FBP2: variants seen among roughly 807,000 people sequenced by gnomAD.
The protein encoded by FBP2 is fructose-bisphosphatase 2.
FBP2 carries 27 observed loss-of-function variants against 31.6 expected under a neutral mutation model. The ratio of observed to expected loss-of-function variants is 0.85; its 90% CI spans 0.63 to 1.18. The LOEUF (loss-of-function observed/expected upper bound fraction) is 1.18, where lower values mean the gene tolerates loss of function less well. FBP2 is among the 50% of genes most tolerant of loss of function. FBP2 has a pLI of 0.00. For missense variants in FBP2, 421 were observed against 436.1 expected, an observed-to-expected ratio of 0.97 and a Z score of 0.31; for synonymous variants, 168 against 179.8, an observed-to-expected ratio of 0.93 and a Z score of 0.53.
At chr9:94,570,438 C>T (rs558811883) in intron 4 of FBP2, 19 of 152,322 alleles carry the variant, frequency 1.2e-4, no homozygotes, top group Middle Eastern at 3.4e-3. Context: ...TAGGACATAT[C>T]TCATAGGGCC....
rs1543185 is a variant in FBP2, at chr9:94,558,890, T to C, written c.*48A>G. The stretch of plus-strand genomic sequence containing the variant: ...CTGTTTATCGTTCATTTAGGGTCCT[T>C]AGACAAGGTGCAAGACAAACAGAAG... On this transcript the variant is annotated 3_prime_UTR_variant, in exon 7 of 7. Transcript: ENST00000375337. The C allele has an allele frequency of 0.043, 67,607 of 1,567,022 alleles. 3,631 individuals carry two copies. The highest frequency in any genetic ancestry group is 0.22 in the African/African-American group (15,967 of 73,834).
At chr9:94,562,534 C>CT (rs1271064463) in intron 6 of FBP2, among the ~76,000 whole-genome samples, 1 of 152,076 alleles carries the variant, frequency 6.6e-6, no homozygotes, top group Non-Finnish European at 1.5e-5. Flanking sequence ...TGTGAGATCT[C>CT]TCAGCGTGGC....
chr9:94,587,383 A>G lies in FBP2; in HGVS notation c.257T>C (p.Val86Ala), dbSNP rs201607341. 2.6e-4 allele frequency: 419 copies of G among 1,614,016 alleles called. No homozygotes were observed. Among genetic ancestry groups the G allele is most frequent in the South Asian group, 1.5e-3 (140 of 91,076 alleles). Residue 86 changes from valine (V) to alanine (A), a missense_variant, in exon 2 of 7, where the codon GTC becomes GCC. Physicochemically the swap from Val to Ala is moderately conservative, Grantham distance 64. Transcript: ENST00000375337. ...GACGCAGGTACTATAGGAGGATTGG[A>G]CCATGTTGATCACCAGGGAATTGGA... is the stretch of plus-strand genomic sequence containing the variant. ...VLSNSLVINMVQSSYSTCVLV... is the reference protein window; with the variant it reads ...VLSNSLVINMAQSSYSTCVLV...
chr9:94,587,722 C>T (rs565508912), intron 1 of FBP2, among the ~76,000 whole-genome samples: 1 of 151,714 alleles, frequency 6.6e-6, no homozygotes, highest in African/African-American at 2.4e-5. Context: ...CTCACTAAAA[C>T]ACAAACCCAG....
intron 6 of FBP2, among the ~76,000 whole-genome samples, chr9:94,561,198 C>T (rs1827093759): frequency 6.6e-6 from 1 of 151,886 alleles, no homozygotes; most frequent in South Asian, 2.1e-4. Flanking sequence ...CTACTTTAAT[C>T]AAAAAAAGCT....
At chr9:94,582,564 T>TC (rs1164669201) in intron 3 of FBP2, among the ~76,000 whole-genome samples, 3 of 151,200 alleles carry the variant, frequency 2.0e-5, no homozygotes, top group African/African-American at 7.3e-5. Context: ...TTTTTTTTTT[T>TC]TGAGACGGAG....
rs773104262 is a variant in FBP2 at position 94,593,758 on chromosome 9, C to T, written c.-32G>A. The T allele has an allele frequency of 1.1e-5, 18 of 1,610,262 alleles. No homozygotes were observed. The highest frequency in any genetic ancestry group is 1.6e-4 in the Middle Eastern group (1 of 6,064). ...TGGAATGCTTCAAATCCTTTTCTCC[C>T]GGCAGGAAACCTTGCTTACTTCTGA... is the stretch of plus-strand genomic sequence containing the variant. On this transcript the variant is annotated 5_prime_UTR_variant, in exon 1 of 7. Transcript: ENST00000375337.
chr9:94,559,153 G>A (rs1827055869), intron 6 of FBP2, 21 bp from the exon 7 acceptor site: 2 of 1,601,130 alleles, frequency 1.2e-6, no homozygotes, highest in African/African-American at 1.3e-5. Context: ...ACAGAGGCAG[G>A]TGAGTAAACT....
intron 5 of FBP2, among the ~76,000 whole-genome samples, chr9:94,563,899 T>G (rs1457569321): frequency 6.6e-6 from 1 of 152,124 alleles, no homozygotes; most frequent in African/African-American, 2.4e-5. Context: ...GAAAAGGACA[T>G]TACATAATGG....
At chr9:94,590,281 C>T (rs942994713) in intron 1 of FBP2, among the ~76,000 whole-genome samples, 4 of 152,224 alleles carry the variant, frequency 2.6e-5, no homozygotes, top group Admixed American at 6.5e-5. Context: ...TCCCCCACGG[C>T]CATGAGAAAG....
chr9:94,567,294 A>C lies in FBP2; in HGVS notation c.681T>G (p.Tyr227Ter), dbSNP rs1827203320. ...CCTCAGGGAATTTCTTTTTCTGCAC[A>C]TATTCAGTGGTGGCCGCATCAAAAT... ...AKYFDAATTE[Y>*]VQKKKFPEDG... The change falls in exon 5 of 7, where the codon TAT (tyrosine) becomes TAG (stop). Residue 227 changes from tyrosine (Y) to a stop codon, truncating the protein, a stop_gained. Coordinates refer to ENST00000375337, the MANE Select transcript of FBP2 (RefSeq NM_003837.4). LOFTEE classifies it high-confidence loss of function. 1 of 1,614,158 alleles carries C rather than the reference A, an allele frequency of 6.2e-7. No homozygotes were observed. The highest frequency in any genetic ancestry group is 8.5e-7 in the Non-Finnish European group (1 of 1,180,024).
At chr9:94,561,424 G>A (rs1481663536) in intron 6 of FBP2, among the ~76,000 whole-genome samples, 3 of 132,550 alleles carry the variant, frequency 2.3e-5, no homozygotes, top group African/African-American at 5.6e-5. Context: ...GTGCAGTGGC[G>A]CGATCTCGGC....
intron 1 of FBP2, among the ~76,000 whole-genome samples, chr9:94,592,459 T>C (rs1216058008): frequency 2.0e-5 from 3 of 152,196 alleles, no homozygotes; most frequent in Admixed American, 6.5e-5. Context: ...CCCCAAAATA[T>C]GTGTTCCTTC....
At chr9:94,561,566 T>C (rs914941432) in intron 6 of FBP2, among the ~76,000 whole-genome samples, 4 of 151,888 alleles carry the variant, frequency 2.6e-5, no homozygotes, top group Admixed American at 1.3e-4. Flanking sequence ...GGGGTTTCAC[T>C]GTGTTAGCCA....
chr9:94,562,661 TTACC>T (rs1466119945), intron 6 of FBP2, among the ~76,000 whole-genome samples: 1 of 152,204 alleles, frequency 6.6e-6, no homozygotes, highest in African/African-American at 2.4e-5. Context: ...ATTTGACTAC[TTACC>T]TACGATTTCT....
chr9:94,572,598 G>A (rs1014526318), intron 3 of FBP2, among the ~76,000 whole-genome samples: 1 of 152,122 alleles, frequency 6.6e-6, no homozygotes, highest in African/African-American at 2.4e-5. Flanking sequence ...TGACTTCCCA[G>A]CTAGACTGTG....
At chr9:94,565,830 G>A (rs1398224281) in intron 5 of FBP2, among the ~76,000 whole-genome samples, 1 of 152,070 alleles carries the variant, frequency 6.6e-6, no homozygotes, top group Non-Finnish European at 1.5e-5. Flanking sequence ...AGGGCAGGAG[G>A]GAGGGATAAC....
chr9:94,590,454 C>G (rs369847296), intron 1 of FBP2, among the ~76,000 whole-genome samples: 2 of 31,776 alleles, frequency 6.3e-5, no homozygotes, highest in Admixed American at 4.8e-4. Flanking sequence ...GGTCCCCTGC[C>G]TGGGTGGTGG....
chr9:94,569,827 A>G (rs911208897), intron 4 of FBP2: 1 of 152,210 alleles, frequency 6.6e-6, no homozygotes, highest in Non-Finnish European at 1.5e-5. Context: ...ACAAAATCAA[A>G]TCACCAGCCC....
Sources: allele counts gnomAD v4.1 joint callset (sites outside exome capture counted in the v4.1 genomes callset), GRCh38; gene constraint gnomAD v4.1.1; transcripts MANE v1.5; gene names NCBI Gene and HGNC (gene_info 2026-07-23, HGNC 2026-07-21).